SLC13A5: variants seen among roughly 807,000 people sequenced by gnomAD.
SLC13A5 encodes the protein Na(+)/citrate cotransporter.
A neutral mutation model predicts 56.5 loss-of-function variants in SLC13A5; 25 were observed. That is an observed-to-expected ratio of 0.44 (90% confidence interval 0.32 to 0.62). The LOEUF is 0.62. SLC13A5 is among the 20% of genes least tolerant of loss of function. The pLI is 0.04. For missense variants in SLC13A5, 649 were observed against 737.8 expected, an observed-to-expected ratio of 0.88 and a Z score of 1.39; for synonymous variants, 307 against 301.5, an observed-to-expected ratio of 1.02 and a Z score of -0.19.
At chr17:6,710,044 T>C (rs1267204084) in intron 1 of SLC13A5, among the ~76,000 whole-genome samples, 1 of 152,198 alleles carries the variant, frequency 6.6e-6, no homozygotes, top group Admixed American at 6.5e-5. Flanking sequence ...TGACAGCCGC[T>C]GAACTAAAGG....
At position 6,694,101 on chromosome 17, in the gene SLC13A5, C is replaced by A; in HGVS notation, c.1152G>T (p.Glu384Asp). 6.2e-7 allele frequency: 1 copy of A among 1,611,094 alleles called. No homozygotes were observed. The highest frequency in any genetic ancestry group is 8.5e-7 in the Non-Finnish European group (1 of 1,177,656). Residue 384 changes from glutamate to aspartate, a missense_variant, in exon 8 of 12, where the codon GAG becomes GAT. Coordinates refer to ENST00000433363, the MANE Select transcript of SLC13A5 (RefSeq NM_177550.5). ...KPKFNFRSQT[E>D]EERKTPFYPP... ...CGATCAGAACAGGAGACTTACCTTC[C>A]TCAGTCTGGCTGCGGAAGTTAAACT...
chr17:6,690,831 C>T lies in SLC13A5; in HGVS notation c.1385G>A (p.Cys462Tyr). ...LSLLVAVFTE[C>Y]TSNVATTTLF... is the part of the protein sequence containing the mutation. The stretch of plus-strand genomic sequence containing the variant: ...GGTGGTGGTGGCCACGTTGCTTGTG[C>T]ACTCAGTGAACACGGCAACGAGCAA... The change falls in exon 10 of 12, where the codon TGC becomes TAC. Residue 462 changes from cysteine (C) to tyrosine (Y), a missense_variant. By Grantham distance (194) the Cys-to-Tyr change is radical. Transcript: ENST00000433363. 6.2e-7 allele frequency: 1 copy of T among 1,614,216 alleles called. No homozygotes were observed. The highest frequency in any genetic ancestry group is 8.5e-7 in the Non-Finnish European group (1 of 1,180,042).
chr17:6,694,491 G>A lies in SLC13A5; in HGVS notation c.1056-294C>T, dbSNP rs527523008. On this transcript the variant is annotated intron_variant, in intron 7 of 11. Transcript: ENST00000433363. ...AAATTAGCCAGACATGCTGGCGGGC[G>A]CCTGTAATCCCAGCTACTCGGCAGG... 9.9e-5 allele frequency among the ~76,000 whole-genome samples: 15 copies of A among 152,234 alleles called. No individual in the cohort carries two copies. In the South Asian group the frequency reaches 2.5e-3, roughly 25 times the overall value.
At chr17:6,704,135 G>T in intron 3 of SLC13A5, 79 bp from the exon 4 acceptor site, 1 of 1,480,032 alleles carries the variant, frequency 6.8e-7, no homozygotes, top group South Asian at 1.2e-5. Flanking sequence ...CTGGGGACTG[G>T]GTCCACCCCT....
rs1033340281 is a variant in SLC13A5, at chr17:6,692,687, T to A, written c.1275+357A>T. Among the ~76,000 whole-genome samples the A allele has an allele frequency of 6.6e-6, 1 of 152,232 alleles. No individual in the cohort carries two copies. The highest frequency in any genetic ancestry group is 2.4e-5 in the African/African-American group (1 of 41,460). ...TAGCCAGTAGAAGGACCAAAAGTAGTAGCAAACAATATTGACAAGGATTGG... is the reference window on the plus strand; with the variant it reads ...TAGCCAGTAGAAGGACCAAAAGTAGAAGCAAACAATATTGACAAGGATTGG... On this transcript the variant is annotated intron_variant, in intron 9 of 11. Coordinates refer to ENST00000433363, the MANE Select transcript of SLC13A5 (RefSeq NM_177550.5). The surrounding 1 kb of genome is among the most constrained non-coding windows in gnomAD (Gnocchi z 5.5).
rs529673803 is a variant in SLC13A5, at chr17:6,707,139, G to A, written c.120C>T (p.Tyr40=). Residue 40 remains tyrosine (Y), a synonymous_variant, in exon 2 of 12, where the codon TAC becomes TAT. Transcript: ENST00000433363. ...LMPAKFVRCA[Y]VIILMAIYWC... is the part of the protein sequence containing the mutation. The stretch of plus-strand genomic sequence containing the variant: ...AGTAAATGGCCATGAGGATGATGAC[G>A]TAGGCACACCTGACAAACTGAAGAG... 86 of 1,613,932 alleles carry A rather than the reference G, an allele frequency of 5.3e-5. 1 individual carries two copies. In the South Asian group the frequency reaches 7.6e-4, roughly 14 times the overall value.
intron 2 of SLC13A5, 30 bp from the exon 3 acceptor site, chr17:6,706,808 A>ACTGTC: frequency 9.3e-6 from 15 of 1,612,284 alleles, no homozygotes; most frequent in Non-Finnish European, 1.3e-5. Context: ...CCTCATCAGG[A>ACTGTC]CTGTCCCTTG....
rs1973422455 is a variant in SLC13A5, at chr17:6,692,123, A to AAATG, written c.1275+920_1275+921insCATT. Among the ~76,000 whole-genome samples the AAATG allele has an allele frequency of 6.9e-6, 1 of 143,954 alleles. No homozygotes were observed. The allele number at this position is 143,954 out of a possible 152,430, so 94.4% of individuals were successfully genotyped here. On this transcript the variant is annotated intron_variant, in intron 9 of 11. Transcript: ENST00000433363. The surrounding 1 kb of genome is among the most constrained non-coding windows in gnomAD (Gnocchi z 5.5). ...AGGAATGTTGGATGGATGGATGGAT[A>AAATG]GATGGATGGATGGATGGATGGATGG...
intron 10 of SLC13A5, chr17:6,690,084 AAAAAAAAAAAAC>A (rs1973362616): frequency 7.3e-6 from 1 of 136,210 alleles, no homozygotes; most frequent in Non-Finnish European, 1.5e-5. Context: ...AAAAAAAAAA[AAAAAAAAAAAAC>A]CATAGCCACT....
rs763014412 is a variant in SLC13A5 at position 6,694,201 on chromosome 17, G to C, written c.1056-4C>G. On this transcript the variant is annotated splice_region_variant and splice_polypyrimidine_tract_variant and intron_variant, in intron 7 of 11. Transcript: ENST00000433363. ...CACAGTGGCATCGGAGACATACCTA[G>C]GTGGGGAAAAGCACAGCTCATCTGC... is the stretch of plus-strand genomic sequence containing the variant. The C allele has an allele frequency of 3.1e-6, 5 of 1,589,234 alleles. No homozygotes were observed. Among genetic ancestry groups the C allele is most frequent in the Non-Finnish European group, 1.7e-6 (2 of 1,158,270 alleles).
rs1323070257 is a variant in SLC13A5 at position 6,704,259 on chromosome 17, C to T, written c.369-203G>A. The stretch of plus-strand genomic sequence containing the variant: ...CCTTCTTTGCTTCCTCCATTCCTCT[C>T]TCCCTCCTGCCTCTCCCACACCCAT... On this transcript the variant is annotated intron_variant, in intron 3 of 11. Transcript: ENST00000433363. 10 of 697,092 alleles carry T rather than the reference C, an allele frequency of 1.4e-5. No individual in the cohort carries two copies. The East Asian group carries it at 2.8e-4, about 19-fold the overall frequency. 43.2% of individuals were successfully genotyped at this position (697,092 alleles called of 1,614,324 possible). A position where few individuals can be genotyped will look rare whatever the true frequency, so the allele number is the denominator to read the frequency against.
At chr17:6,712,528 G>A (rs1310907994) in intron 1 of SLC13A5, among the ~76,000 whole-genome samples, 1 of 152,252 alleles carries the variant, frequency 6.6e-6, no homozygotes, top group Non-Finnish European at 1.5e-5. Flanking sequence ...CCCAAGGCGC[G>A]AGCTCTGGGA....
In SLC13A5 at chr17:6,685,896, T is replaced by A. The variant is rs1973231684; in HGVS notation, c.*311A>T. The A allele has an allele frequency of 5.5e-6, 2 of 361,524 alleles. No homozygotes were observed. The highest frequency in any genetic ancestry group is 7.5e-5 in the Admixed American group (2 of 26,688). The allele number at this position is 361,524 out of a possible 1,614,324, so 22.4% of individuals were successfully genotyped here. On this transcript the variant is annotated 3_prime_UTR_variant, in exon 12 of 12. Transcript: ENST00000433363. The surrounding 1 kb of genome is among the most constrained non-coding windows in gnomAD (Gnocchi z 4.2). ...TGGGGGATGCTTGAGGCAGAGCGGG[T>A]ACAGCAGCCTGCATCCTGATCCCTC...
intron 9 of SLC13A5, among the ~76,000 whole-genome samples, chr17:6,691,895 G>T (rs1973415976): frequency 6.6e-6 from 1 of 152,174 alleles, no homozygotes; most frequent in South Asian, 2.1e-4. Context: ...CCTCAGAGAA[G>T]TGGCTTCTGG....
At chr17:6,693,278 G>A in intron 8 of SLC13A5, 116 bp from the exon 9 acceptor site, 1 of 682,660 alleles carries the variant, frequency 1.5e-6, no homozygotes, top group Non-Finnish European at 2.4e-6. Context: ...GGGGAATAAA[G>A]CTAATAAGGA....
chr17:6,707,979 TG>T (rs1456762370), intron 1 of SLC13A5, among the ~76,000 whole-genome samples: 6 of 113,902 alleles, frequency 5.3e-5, no homozygotes, highest in Non-Finnish European at 1.2e-4. Context: ...GTATTTTTTG[TG>T]TGTGTGTGTG....
chr17:6,707,552 TGGAGAAGGAAGAAAAGAAAGGAGGAAGA>T (rs1322852091), intron 1 of SLC13A5, among the ~76,000 whole-genome samples: 1 of 151,572 alleles, frequency 6.6e-6, no homozygotes, highest in Non-Finnish European at 1.5e-5. Context: ...GGAAGGGGGA[TGGAGAAGGAAGAAAAGAAAGGAGGAAGA>T]GGAGAAGGAG....
At position 6,703,052 on chromosome 17, in the gene SLC13A5, T is replaced by G; in HGVS notation, c.634A>C (p.Ile212Leu). The part of the protein sequence containing the change: ...KRLCKAMTLC[I>L]CYAASIGGTA... ...CCCCCGATGCTGGCCGCGTAGCAGA[T>G]GCACAGGGTCATGGCCTTACACAAC... is the stretch of plus-strand genomic sequence containing the variant. Residue 212 changes from isoleucine (I) to leucine (L), a missense_variant, in exon 5 of 12, where the codon ATC becomes CTC. By Grantham distance (5) the Ile-to-Leu change is conservative. Transcript: ENST00000433363. The G allele has an allele frequency of 6.2e-7, 1 of 1,614,212 alleles. No homozygotes were observed. The highest frequency in any genetic ancestry group is 8.5e-7 in the Non-Finnish European group (1 of 1,180,036).
chr17:6,690,097 C>CAAAAAAAAAAAAAAAAAAA (rs1659780971), intron 10 of SLC13A5: 1 of 75,730 alleles, frequency 1.3e-5, no homozygotes, highest in African/African-American at 4.7e-5. Flanking sequence ...AAAAAAAAAC[C>CAAAAAAAAAAAAAAAAAAA]ATAGCCACTG....
Sources: allele counts gnomAD v4.1 joint callset (sites outside exome capture counted in the v4.1 genomes callset), GRCh38; gene constraint gnomAD v4.1.1; non-coding constraint Gnocchi (gnomAD v3.1); transcripts MANE v1.5; gene names NCBI Gene and HGNC (gene_info 2026-07-23, HGNC 2026-07-21).